Variants in SACS observed in about 807,000 individuals in gnomAD.
SACS encodes the protein sacsin molecular chaperone, also known as sacsin.
SACS carries 197 observed loss-of-function variants against 348.0 expected under a neutral mutation model. That is an observed-to-expected ratio of 0.57 (90% CI 0.50 to 0.64). SACS has a LOEUF of 0.64. SACS is among the 30% of genes least tolerant of loss of function. SACS has a pLI of 0.00. For missense variants in SACS, 4,999 were observed against 5,360.8 expected, an observed-to-expected ratio of 0.93 and a Z score of 2.11; for synonymous variants, 1,985 against 1,910.6, an observed-to-expected ratio of 1.04 and a Z score of -1.02.
chr13:23,362,538 A>C (rs1335166888), intron 6 of SACS, among the ~76,000 whole-genome samples: 2 of 151,958 alleles, frequency 1.3e-5, no homozygotes, highest in Non-Finnish European at 2.9e-5. Context: ...TGTTAAATAA[A>C]GAGATCAGAG....
intron 1 of SACS, chr13:23,428,139 T>C (rs1252790979): frequency 6.6e-6 from 1 of 152,180 alleles, no homozygotes; most frequent in Admixed American, 6.5e-5. Context: ...ATGGGGTCCA[T>C]GTTCATCTGA....
chr13:23,354,451 A>C, intron 8 of SACS, 68 bp downstream of exon 8: 1 of 1,333,630 alleles, frequency 7.5e-7, no homozygotes, highest in Non-Finnish European at 1.1e-6. Context: ...ACAACAAAGG[A>C]CTCTCACAGT....
intron 2 of SACS, chr13:23,375,508 G>C: frequency 1.8e-6 from 2 of 1,125,744 alleles, no homozygotes; most frequent in Non-Finnish European, 2.2e-6. Flanking sequence ...CGCCGAGGAG[G>C]AAACGCTAGA....
At chr13:23,410,962 G>A (rs1873457510) in intron 2 of SACS, among the ~76,000 whole-genome samples, 2 of 152,182 alleles carry the variant, frequency 1.3e-5, no homozygotes, top group African/African-American at 4.8e-5. Context: ...GCTACATCTA[G>A]TTAGCTCTCC....
chr13:23,333,000 CA>C lies in SACS; in HGVS notation c.10875del (p.Asp3626IlefsTer20). 1.2e-6 allele frequency: 2 copies of C among 1,613,900 alleles called. No homozygotes were observed. The highest frequency in any genetic ancestry group is 1.7e-6 in the Non-Finnish European group (2 of 1,179,914). ...TGGAATATATGATGCAGAAGGATATCAACTGTATTTTGCAATGTTTCTTTGG... is the reference window on the plus strand; with the variant it reads ...TGGAATATATGATGCAGAAGGATATCACTGTATTTTGCAATGTTTCTTTGG... ...NWSKETLQNT[V>X]DILLHHIFQE... On this transcript the variant is annotated frameshift_variant, in exon 10 of 10. Coordinates refer to ENST00000382292, the MANE Select transcript of SACS (RefSeq NM_014363.6). LOFTEE classifies it high-confidence loss of function.
intron 6 of SACS, among the ~76,000 whole-genome samples, chr13:23,358,963 T>C (rs1292571659): frequency 1.3e-5 from 2 of 152,152 alleles, no homozygotes; most frequent in African/African-American, 2.4e-5. Flanking sequence ...ATAGATCACC[T>C]GAGGTCAGGA....
In SACS at chr13:23,385,214, G is replaced by C. The variant is rs535783586; in HGVS notation, c.21-9945C>G. Among the ~76,000 whole-genome samples the C allele has an allele frequency of 3.3e-5, 5 of 151,926 alleles. 1 individual carries two copies. The South Asian group carries it at 1.0e-3, about 32-fold the overall frequency. ...TCATCAGGCTCCACTGCTAATTCTA[G>C]TTCTTGCTGTTTCCATCACTTCTGT... is the stretch of plus-strand genomic sequence containing the variant. On this transcript the variant is annotated intron_variant, in intron 2 of 9. Coordinates refer to ENST00000382292, the MANE Select transcript of SACS (RefSeq NM_014363.6).
rs372121067 is a variant in SACS at position 23,404,547 on chromosome 13, A to T, written c.20+6673T>A. On this transcript the variant is annotated intron_variant, in intron 2 of 9. Transcript: ENST00000382292. ...ATGCTCTCTCTCACCACTCCTATTC[A>T]AAATAGTATTGGAAGTTCTGGCCAG... 1.1e-3 allele frequency among the ~76,000 whole-genome samples: 175 copies of T among 152,292 alleles called. 2 individuals carry two copies. Among genetic ancestry groups the T allele is most frequent in the African/African-American group, 4.1e-3 (170 of 41,564 alleles).
In SACS at chr13:23,330,656, C is replaced by A; in HGVS notation, c.13220G>T (p.Ser4407Ile). 1.9e-6 allele frequency: 3 copies of A among 1,614,058 alleles called. No homozygotes were observed. The highest frequency in any genetic ancestry group is 2.5e-6 in the Non-Finnish European group (3 of 1,179,984). The change falls in exon 10 of 10, where the codon AGC becomes ATC. Residue 4407 changes from serine to isoleucine, a missense_variant. By Grantham distance (142) the Ser-to-Ile change is moderately radical (BLOSUM62 -2). Around this residue, in one of 6 missense-constraint regions of SACS, gnomAD observed 254 missense variants for 275.1 expected, o/e 0.92. Coordinates refer to ENST00000382292, the MANE Select transcript of SACS (RefSeq NM_014363.6). ...FYTSWNQEAT[S>I]HKSERQQQNK... ...CTGTTGCTGTCTTTCAGATTTATGG[C>A]TCGTTGCTTCTTGATTCCATGAAGT...
At chr13:23,422,145 T>C (rs1216153180) in intron 1 of SACS, among the ~76,000 whole-genome samples, 8 of 152,230 alleles carry the variant, frequency 5.3e-5, no homozygotes, top group Admixed American at 3.3e-4. Flanking sequence ...GTGATGTACC[T>C]TATTATATTG....
chr13:23,353,192 C>T (rs762643073), intron 9 of SACS, among the ~76,000 whole-genome samples: 10 of 152,186 alleles, frequency 6.6e-5, no homozygotes, highest in Non-Finnish European at 1.2e-4. Context: ...CTATCAGACA[C>T]CCATCACTTT....
At chr13:23,370,823 C>T (rs559190747) in intron 4 of SACS, among the ~76,000 whole-genome samples, 11 of 152,210 alleles carry the variant, frequency 7.2e-5, no homozygotes, top group African/African-American at 1.2e-4. Flanking sequence ...ATTAGCTGGG[C>T]GTGATGGCAG....
At chr13:23,412,424 T>C (rs1306373375) in intron 1 of SACS, among the ~76,000 whole-genome samples, 5 of 127,582 alleles carry the variant, frequency 3.9e-5, no homozygotes, top group African/African-American at 1.1e-4. Context: ...TTTTTTTTTT[T>C]TTTCTCTGAG....
rs753889664 is a variant in SACS, at chr13:23,338,749, T to A, written c.5127A>T (p.Gln1709His). 1 of 1,611,430 alleles carries A rather than the reference T, an allele frequency of 6.2e-7. No homozygotes were observed. The highest frequency in any genetic ancestry group is 8.5e-7 in the Non-Finnish European group (1 of 1,179,230). ...KIEETNPSLAQDTVIIKKKSC... is the reference protein window; with the variant it reads ...KIEETNPSLAHDTVIIKKKSC... Reference sequence around the variant, plus strand: ...ATTTTTTTTTAATTATTACTGTATCTTGTGCTAAACTGGGGTTGGTTTCCT... The same window carrying A: ...ATTTTTTTTTAATTATTACTGTATCATGTGCTAAACTGGGGTTGGTTTCCT... Residue 1709 changes from glutamine (Q) to histidine (H), a missense_variant, in exon 10 of 10, where the codon CAA becomes CAT. Coordinates refer to ENST00000382292, the MANE Select transcript of SACS (RefSeq NM_014363.6).
intron 2 of SACS, among the ~76,000 whole-genome samples, chr13:23,382,590 AAAT>A (rs1430653527): frequency 1.3e-5 from 2 of 152,310 alleles, no homozygotes; most frequent in African/African-American, 4.8e-5. Context: ...TCGGGGAAGC[AAAT>A]AATAATATTC....
intron 2 of SACS, among the ~76,000 whole-genome samples, chr13:23,382,389 T>C (rs918441369): frequency 6.6e-5 from 10 of 152,208 alleles, no homozygotes; most frequent in African/African-American, 2.4e-4. Flanking sequence ...AAATGGATTT[T>C]ATATGATTAC....
In SACS at chr13:23,340,696, T is replaced by C; in HGVS notation, c.3180A>G (p.Val1060=). The C allele has an allele frequency of 6.3e-7, 1 of 1,591,436 alleles. No homozygotes were observed. Among genetic ancestry groups the C allele is most frequent in the Non-Finnish European group, 8.5e-7 (1 of 1,172,304 alleles). ...CTTCATTACAAAAGAGATCCTTTAG[T>C]ACTTCTATATCAGGGTCAAAGAGTT... ...AGELFDPDIE[V]LKDLFCNEEG... is the part of the protein sequence containing the mutation. Residue 1060 remains valine (V), a synonymous_variant, in exon 10 of 10, where the codon GTA becomes GTG. Coordinates refer to ENST00000382292, the MANE Select transcript of SACS (RefSeq NM_014363.6).
chr13:23,406,451 C>G (rs891005576), intron 2 of SACS, among the ~76,000 whole-genome samples: 1 of 152,106 alleles, frequency 6.6e-6, no homozygotes, highest in Admixed American at 6.5e-5. Context: ...ATGGGTGCAG[C>G]AAACCACCAT....
chr13:23,426,310 A>G (rs1381969803), intron 1 of SACS, among the ~76,000 whole-genome samples: 1 of 152,166 alleles, frequency 6.6e-6, no homozygotes, highest in Non-Finnish European at 1.5e-5. Context: ...GCTTGGTTTT[A>G]TACATTCAGG....
Sources: allele counts gnomAD v4.1 joint callset (sites outside exome capture counted in the v4.1 genomes callset), GRCh38; gene constraint gnomAD v4.1.1; regional missense constraint gnomAD v4.1.1; transcripts MANE v1.5; gene names NCBI Gene and HGNC (gene_info 2026-07-23, HGNC 2026-07-21).